The following CNTNAP5 variants were observed in gnomAD, a reference collection of about 807,000 sequenced individuals.
The protein encoded by CNTNAP5 is contactin associated protein family member 5, also known as contactin-associated protein-like 5.
CNTNAP5 carries 72 observed loss-of-function variants against 150.2 expected under a neutral mutation model. That is an observed-to-expected ratio of 0.48 (90% CI 0.40 to 0.58). The LOEUF (loss-of-function observed/expected upper bound fraction) is 0.58. Among genes scored for constraint, CNTNAP5 ranks in the 20% least tolerant of loss-of-function variants. The pLI, the probability that CNTNAP5 is intolerant of heterozygous loss-of-function variation, is 0.00. For synonymous variants in CNTNAP5, 672 were observed against 619.8 expected, an observed-to-expected ratio of 1.08 and a Z score of -1.25; for missense variants, 1,636 against 1,626.2, an observed-to-expected ratio of 1.01 and a Z score of -0.10.
At chr2:124,423,571 C>A (rs1692164965) in intron 4 of CNTNAP5, among the ~76,000 whole-genome samples, 1 of 149,488 alleles carries the variant, frequency 6.7e-6, no homozygotes, top group South Asian at 2.1e-4. Flanking sequence ...TGGTCTCGAT[C>A]TCCTGACCTC....
intron 2 of CNTNAP5, among the ~76,000 whole-genome samples, chr2:124,227,580 C>G (rs973833533): frequency 1.3e-5 from 2 of 151,526 alleles, no homozygotes; most frequent in Non-Finnish European, 2.9e-5. Context: ...AAAAACATAG[C>G]TCTCATGCAA....
chr2:124,849,091 C>T (rs550027119), intron 19 of CNTNAP5, among the ~76,000 whole-genome samples: 21 of 152,138 alleles, frequency 1.4e-4, no homozygotes, highest in Non-Finnish European at 2.2e-4. Context: ...GTTTTTCCTC[C>T]ATGTTTTCTT....
intron 16 of CNTNAP5, among the ~76,000 whole-genome samples, chr2:124,769,384 G>GA (rs547401272): frequency 1.7e-4 from 25 of 150,694 alleles, no homozygotes; most frequent in East Asian, 1.2e-3. Context: ...GGTCTGGCTT[G>GA]AAAAAAAAAT....
chr2:124,292,213 G>A (rs1186396668), intron 3 of CNTNAP5, among the ~76,000 whole-genome samples: 5 of 151,684 alleles, frequency 3.3e-5, no homozygotes, highest in Non-Finnish European at 5.9e-5. Context: ...ATTCAATATT[G>A]AGAACATTTC....
At chr2:124,055,568 C>T (rs143176807) in intron 1 of CNTNAP5, among the ~76,000 whole-genome samples, 76 of 152,268 alleles carry the variant, frequency 5.0e-4, no homozygotes, top group African/African-American at 1.8e-3. Context: ...GGGATATGAT[C>T]ACAGGGGCTG....
chr2:124,258,728 A>G (rs78959379), intron 3 of CNTNAP5, among the ~76,000 whole-genome samples: 4,835 of 152,294 alleles, frequency 0.032, 251 homozygotes, highest in African/African-American at 0.11. Flanking sequence ...AAAACATTTC[A>G]GCAAAGAAGA....
chr2:124,306,354 G>A (rs1354461612), intron 3 of CNTNAP5, among the ~76,000 whole-genome samples: 2 of 152,156 alleles, frequency 1.3e-5, no homozygotes, highest in Admixed American at 6.5e-5. Flanking sequence ...GACACAAGCA[G>A]TCTTAGGATG....
chr2:124,882,557 A>G (rs1677985534), intron 21 of CNTNAP5, among the ~76,000 whole-genome samples: 1 of 152,114 alleles, frequency 6.6e-6, no homozygotes, highest in African/African-American at 2.4e-5. Flanking sequence ...GTGGAAGGCC[A>G]GATCTTCTCT....
intron 19 of CNTNAP5, among the ~76,000 whole-genome samples, chr2:124,810,328 T>C (rs373239733): frequency 4.6e-5 from 7 of 152,252 alleles, no homozygotes; most frequent in African/African-American, 1.7e-4. Flanking sequence ...ATAATCTGCT[T>C]CCAAGCTCCC....
At chr2:124,089,579 T>C (rs1339099983) in intron 1 of CNTNAP5, among the ~76,000 whole-genome samples, 1 of 152,232 alleles carries the variant, frequency 6.6e-6, no homozygotes, top group Non-Finnish European at 1.5e-5. Flanking sequence ...AATTATTTTC[T>C]CAAGTGTTAG....
At chr2:124,467,431 T>TA (rs1693402997) in intron 6 of CNTNAP5, among the ~76,000 whole-genome samples, 1 of 152,090 alleles carries the variant, frequency 6.6e-6, no homozygotes, top group African/African-American at 2.4e-5. Context: ...GTAGGTACAA[T>TA]AACTCGGCCA....
chr2:124,517,923 T>C, intron 8 of CNTNAP5, among the ~76,000 whole-genome samples: 1 of 151,858 alleles, frequency 6.6e-6, no homozygotes, highest in South Asian at 2.1e-4. Flanking sequence ...GGTTGTGGTG[T>C]TGGTGATGGA....
intron 1 of CNTNAP5, among the ~76,000 whole-genome samples, chr2:124,214,077 A>C (rs1477169084): frequency 6.6e-6 from 1 of 152,152 alleles, no homozygotes; most frequent in Admixed American, 6.5e-5. Context: ...ATGGACAAAA[A>C]ATGTATAGAG....
chr2:124,776,153 T>A (rs2104615141), intron 17 of CNTNAP5, among the ~76,000 whole-genome samples: 1 of 152,254 alleles, frequency 6.6e-6, no homozygotes, highest in South Asian at 2.1e-4. Flanking sequence ...AATGTCTCAT[T>A]CCCTCCAAAC....
At chr2:124,774,057 G>A (rs889174993) in intron 17 of CNTNAP5, among the ~76,000 whole-genome samples, 2 of 151,596 alleles carry the variant, frequency 1.3e-5, no homozygotes, top group Non-Finnish European at 2.9e-5. Flanking sequence ...GTACAAAATC[G>A]AGCTCTTAAA....
At chr2:124,402,441 A>G (rs1190502425) in intron 3 of CNTNAP5, among the ~76,000 whole-genome samples, 1 of 152,188 alleles carries the variant, frequency 6.6e-6, no homozygotes, top group East Asian at 1.9e-4. Context: ...GAAGGGAGAG[A>G]ACATGAGCAC....
chr2:124,773,674 T>C (rs140981658), intron 17 of CNTNAP5, among the ~76,000 whole-genome samples: 372 of 152,260 alleles, frequency 2.4e-3, no homozygotes, highest in African/African-American at 8.5e-3. Context: ...TCACTGAGCA[T>C]CTACAACTGG....
intron 1 of CNTNAP5, among the ~76,000 whole-genome samples, chr2:124,038,560 A>G (rs550797391): frequency 2.0e-5 from 3 of 152,366 alleles, no homozygotes; most frequent in African/African-American, 7.2e-5. Flanking sequence ...GCTCTCAAAA[A>G]TAATTAGCCT....
chr2:124,056,456 A>G (rs1439012325), intron 1 of CNTNAP5, among the ~76,000 whole-genome samples: 1 of 118,222 alleles, frequency 8.5e-6, no homozygotes, highest in Non-Finnish European at 1.7e-5. Flanking sequence ...AACCCCGTCT[A>G]TACTAAAAAT....
Sources: gnomAD v4.1 joint callset for allele counts (sites outside exome capture counted in the v4.1 genomes callset) on GRCh38, gnomAD v4.1.1 for gene constraint, MANE v1.5 for transcripts, NCBI Gene and HGNC (gene_info 2026-07-23, HGNC 2026-07-21) for gene names.